TLE4: variants seen among roughly 807,000 people sequenced by gnomAD.
TLE4 encodes the protein TLE family member 4, transcriptional corepressor.
In TLE4, 8 loss-of-function variants were observed where a neutral mutation model predicts 92.8. That is an observed-to-expected ratio of 0.09 (90% confidence interval 0.05 to 0.16). The LOEUF is 0.16. Ranked by LOEUF, TLE4 falls within the 10% of genes least tolerant of loss-of-function variation. The probability of loss-of-function intolerance (pLI) is 1.00; values close to 1 mark genes in which losing one functional copy is unlikely to be tolerated. For synonymous variants in TLE4, 371 were observed against 374.1 expected, an observed-to-expected ratio of 0.99 and a Z score of 0.10; for missense variants, 675 against 997.6, an observed-to-expected ratio of 0.68 and a Z score of 4.36.
intron 4 of TLE4, among the ~76,000 whole-genome samples, chr9:79,604,494 AAAG>A (rs1202529147): frequency 2.6e-5 from 4 of 152,192 alleles, no homozygotes; most frequent in Non-Finnish European, 4.4e-5. Context: ...TGACAGCTTC[AAAG>A]AATTGGAATT....
chr9:79,685,561 T>C (rs1333914892), intron 8 of TLE4, among the ~76,000 whole-genome samples: 2 of 152,234 alleles, frequency 1.3e-5, no homozygotes, highest in South Asian at 2.1e-4. Flanking sequence ...TGGTGAATTA[T>C]ATAATTTAAC....
chr9:79,677,906 T>G (rs1372988349), intron 8 of TLE4, among the ~76,000 whole-genome samples: 1 of 152,128 alleles, frequency 6.6e-6, no homozygotes, highest in African/African-American at 2.4e-5. Flanking sequence ...GGAAGAGTAC[T>G]GAAAGGTTAG....
chr9:79,613,436 G>GT (rs750636053), intron 5 of TLE4, among the ~76,000 whole-genome samples: 116 of 151,338 alleles, frequency 7.7e-4, no homozygotes, highest in African/African-American at 2.0e-3. Context: ...CTTCCTTGTG[G>GT]TTTTTTTTTC....
intron 8 of TLE4, among the ~76,000 whole-genome samples, chr9:79,675,093 TTAAG>T (rs2063054770): frequency 6.6e-6 from 1 of 152,172 alleles, no homozygotes; most frequent in African/African-American, 2.4e-5. Flanking sequence ...ACTTTATAAC[TTAAG>T]TGTCTATAAT....
chr9:79,606,659 G>C (rs10867405), intron 4 of TLE4, among the ~76,000 whole-genome samples: 1 of 152,036 alleles, frequency 6.6e-6, no homozygotes, highest in Non-Finnish European at 1.5e-5. Context: ...AGTTTGCTTA[G>C]AATGATGATT....
At chr9:79,679,601 G>A (rs1265442041) in intron 8 of TLE4, among the ~76,000 whole-genome samples, 1 of 152,130 alleles carries the variant, frequency 6.6e-6, no homozygotes, top group Non-Finnish European at 1.5e-5. Flanking sequence ...CTTTTGCTGT[G>A]CAGAAGCTCT....
intron 8 of TLE4, 35 bp downstream of exon 8, chr9:79,654,110 TA>T: frequency 6.3e-7 from 1 of 1,597,888 alleles, no homozygotes; most frequent in Non-Finnish European, 8.6e-7. Flanking sequence ...AGGAATGGCT[TA>T]AAAGGGCTGT....
chr9:79,614,083 A>G (rs1322841392), intron 5 of TLE4, among the ~76,000 whole-genome samples: 1 of 151,986 alleles, frequency 6.6e-6, no homozygotes, highest in Non-Finnish European at 1.5e-5. Flanking sequence ...GTGTATCTGC[A>G]TTTCTTTTGG....
At chr9:79,615,301 G>A (rs1011838888) in intron 5 of TLE4, among the ~76,000 whole-genome samples, 1 of 152,156 alleles carries the variant, frequency 6.6e-6, no homozygotes, top group Non-Finnish European at 1.5e-5. Context: ...AGGACTGAAG[G>A]CTCTTAATCT....
intron 8 of TLE4, among the ~76,000 whole-genome samples, chr9:79,676,824 T>A (rs1033499542): frequency 3.9e-5 from 6 of 152,174 alleles, no homozygotes; most frequent in African/African-American, 1.4e-4. Flanking sequence ...TTTATTATTT[T>A]AAAAAATCCT....
chr9:79,575,009 G>C, intron 3 of TLE4, 73 bp downstream of exon 3: 1 of 1,288,640 alleles, frequency 7.8e-7, no homozygotes, highest in Non-Finnish European at 1.1e-6. Flanking sequence ...TGTTTAAATT[G>C]CTGGGGGCTG....
intron 4 of TLE4, among the ~76,000 whole-genome samples, chr9:79,592,252 CT>C (rs1223518677): frequency 4.1e-5 from 5 of 122,948 alleles, no homozygotes; most frequent in Non-Finnish European, 8.5e-5. Flanking sequence ...GCTTCTTCTT[CT>C]TTCTTCTTTC....
chr9:79,649,266 A>G (rs1257188957), intron 6 of TLE4, among the ~76,000 whole-genome samples: 1 of 86,182 alleles, frequency 1.2e-5, no homozygotes, highest in African/African-American at 3.8e-5. Flanking sequence ...ACGGACATAC[A>G]TACATACACA....
At chr9:79,677,044 T>C (rs1289411598) in intron 8 of TLE4, among the ~76,000 whole-genome samples, 5 of 152,116 alleles carry the variant, frequency 3.3e-5, no homozygotes, top group Non-Finnish European at 7.4e-5. Context: ...GAAGGATAGA[T>C]CTGGGCTCAA....
At chr9:79,711,468 C>T (rs1400139146) in intron 14 of TLE4, among the ~76,000 whole-genome samples, 1 of 152,096 alleles carries the variant, frequency 6.6e-6, no homozygotes, top group Non-Finnish European at 1.5e-5. Context: ...TCCATATGAA[C>T]TTGTGGGGAA....
At chr9:79,639,822 A>G (rs1350438762) in intron 6 of TLE4, among the ~76,000 whole-genome samples, 1 of 152,160 alleles carries the variant, frequency 6.6e-6, no homozygotes, top group Non-Finnish European at 1.5e-5. Context: ...ATTGCACAGT[A>G]ATAAAATTGC....
At chr9:79,573,621 A>G in intron 1 of TLE4, 68 bp from the exon 2 acceptor site, 5 of 1,320,380 alleles carry the variant, frequency 3.8e-6, no homozygotes, top group Non-Finnish European at 5.2e-6. Flanking sequence ...GCCGCATAGT[A>G]GGTTTTCTCC....
intron 6 of TLE4, among the ~76,000 whole-genome samples, chr9:79,644,797 CCTTA>C (rs1007861597): frequency 6.6e-6 from 1 of 152,172 alleles, no homozygotes; most frequent in African/African-American, 2.4e-5. Flanking sequence ...CTGAGTCTTC[CCTTA>C]CTTCTCTCCT....
intron 5 of TLE4, among the ~76,000 whole-genome samples, chr9:79,617,869 A>G (rs1259647870): frequency 6.6e-6 from 1 of 151,988 alleles, no homozygotes; most frequent in South Asian, 2.1e-4. Context: ...CTCTCATGTA[A>G]TAGTAACAGT....
Sources: gnomAD v4.1 joint callset for allele counts (sites outside exome capture counted in the v4.1 genomes callset) on GRCh38, gnomAD v4.1.1 for gene constraint, MANE v1.5 for transcripts, NCBI Gene and HGNC (gene_info 2026-07-23, HGNC 2026-07-21) for gene names.